TBC1D15: variants seen among roughly 807,000 people sequenced by gnomAD.
TBC1D15 encodes the protein GAP for RAB7.
A neutral mutation model predicts 95.4 loss-of-function variants in TBC1D15; 39 were observed. The observed-to-expected ratio is 0.41, with a 90% CI of 0.32 to 0.53. The LOEUF (loss-of-function observed/expected upper bound fraction) is 0.53, where lower values mean the gene tolerates loss of function less well. Among genes scored for constraint, TBC1D15 ranks in the 20% least tolerant of loss-of-function variants. The pLI is 0.29. For synonymous variants in TBC1D15, 258 were observed against 261.3 expected, an observed-to-expected ratio of 0.99 and a Z score of 0.12; for missense variants, 733 against 794.3, an observed-to-expected ratio of 0.92 and a Z score of 0.93.
intron 1 of TBC1D15, among the ~76,000 whole-genome samples, chr12:71,871,806 CTTTG>C (rs1892759216): frequency 6.6e-6 from 1 of 152,196 alleles, no homozygotes; most frequent in South Asian, 2.1e-4. Context: ...AGTCTGACAT[CTTTG>C]TTTAAGTAGA....
chr12:71,886,191 T>G (rs933976453), intron 5 of TBC1D15, among the ~76,000 whole-genome samples: 1 of 151,948 alleles, frequency 6.6e-6, no homozygotes, highest in African/African-American at 2.4e-5. Context: ...ATTGCTAACC[T>G]TCCTTCCTTC....
intron 12 of TBC1D15, 116 bp downstream of exon 12, chr12:71,914,042 C>G: frequency 1.4e-6 from 1 of 695,552 alleles, no homozygotes; most frequent in Non-Finnish European, 2.3e-6. Flanking sequence ...AAAAAATTAC[C>G]TCATGCCTTT....
chr12:71,859,961 A>G (rs185879222), intron 1 of TBC1D15, among the ~76,000 whole-genome samples: 50 of 152,196 alleles, frequency 3.3e-4, no homozygotes, highest in Non-Finnish European at 5.3e-4. Context: ...GTAGTGTTCT[A>G]GTTTCATTTT....
At chr12:71,921,294 A>G in intron 15 of TBC1D15, 74 bp from the exon 16 acceptor site, 2 of 737,124 alleles carry the variant, frequency 2.7e-6, no homozygotes, top group Non-Finnish European at 2.0e-6. Context: ...ATAACTGGTA[A>G]TAAATTGTTT....
intron 10 of TBC1D15, among the ~76,000 whole-genome samples, chr12:71,900,323 G>C (rs1899079826): frequency 6.6e-6 from 1 of 152,098 alleles, no homozygotes; most frequent in Non-Finnish European, 1.5e-5. Flanking sequence ...AGTTAAGAAG[G>C]CTCAGGAATC....
intron 1 of TBC1D15, among the ~76,000 whole-genome samples, chr12:71,846,183 A>T (rs904884389): frequency 6.6e-6 from 1 of 152,236 alleles, no homozygotes; most frequent in Admixed American, 6.5e-5. Flanking sequence ...TATATCTGAC[A>T]TAGCTCCTTT....
chr12:71,912,168 A>G (rs186271414), intron 11 of TBC1D15, among the ~76,000 whole-genome samples: 3 of 152,262 alleles, frequency 2.0e-5, no homozygotes, highest in East Asian at 1.9e-4. Flanking sequence ...GAAAGTTCTG[A>G]TGATAACAAT....
At chr12:71,900,119 CT>C (rs1305044313) in intron 10 of TBC1D15, among the ~76,000 whole-genome samples, 1 of 151,960 alleles carries the variant, frequency 6.6e-6, no homozygotes, top group African/African-American at 2.4e-5. Flanking sequence ...AGTGATACCC[CT>C]TATGGAGATG....
chr12:71,911,800 AT>A (rs778775442), intron 11 of TBC1D15, among the ~76,000 whole-genome samples: 27 of 151,790 alleles, frequency 1.8e-4, no homozygotes, highest in Non-Finnish European at 3.4e-4. Flanking sequence ...AATAAAAAAA[AT>A]AAAATAGATT....
chr12:71,872,577 C>A (rs1892920751), intron 2 of TBC1D15, among the ~76,000 whole-genome samples: 1 of 152,116 alleles, frequency 6.6e-6, no homozygotes, highest in African/African-American at 2.4e-5. Context: ...AACAGTGTTT[C>A]TGTGGTTACC....
chr12:71,908,176 G>A (rs1299818186), intron 11 of TBC1D15, among the ~76,000 whole-genome samples: 1 of 151,636 alleles, frequency 6.6e-6, no homozygotes, highest in Non-Finnish European at 1.5e-5. Context: ...CTGTCTCAAG[G>A]AAAAAAAAGA....
chr12:71,885,914 A>T (rs1303196946), intron 5 of TBC1D15, among the ~76,000 whole-genome samples: 1 of 152,212 alleles, frequency 6.6e-6, no homozygotes, highest in Non-Finnish European at 1.5e-5. Flanking sequence ...TCAGTATTAC[A>T]GGTCTGCAAA....
At chr12:71,899,259 A>G (rs536233608) in intron 10 of TBC1D15, among the ~76,000 whole-genome samples, 1 of 152,194 alleles carries the variant, frequency 6.6e-6, no homozygotes, top group Middle Eastern at 3.2e-3. Flanking sequence ...TTAGATATTT[A>G]AAGTCCCCAT....
At chr12:71,866,816 T>A (rs960958636) in intron 1 of TBC1D15, among the ~76,000 whole-genome samples, 1 of 152,122 alleles carries the variant, frequency 6.6e-6, no homozygotes, top group African/African-American at 2.4e-5. Context: ...TTGTTGCGGG[T>A]TGGGGAGAGA....
At chr12:71,846,845 C>G (rs1886410874) in intron 1 of TBC1D15, among the ~76,000 whole-genome samples, 2 of 148,550 alleles carry the variant, frequency 1.3e-5, no homozygotes, top group South Asian at 4.3e-4. Flanking sequence ...ACTGCAGCCT[C>G]CGCCTCCTGG....
At chr12:71,850,784 C>T (rs753160741) in intron 1 of TBC1D15, among the ~76,000 whole-genome samples, 6 of 151,860 alleles carry the variant, frequency 4.0e-5, no homozygotes, top group African/African-American at 9.7e-5. Flanking sequence ...GTCAGGAGAT[C>T]GAGACCATCT....
intron 10 of TBC1D15, among the ~76,000 whole-genome samples, chr12:71,900,716 A>G (rs1899188263): frequency 6.6e-6 from 1 of 152,156 alleles, no homozygotes; most frequent in South Asian, 2.1e-4. Context: ...TAAACAAGTT[A>G]AGTAAGTAAC....
At chr12:71,879,783 T>G (rs1444508516) in intron 3 of TBC1D15, among the ~76,000 whole-genome samples, 10 of 151,572 alleles carry the variant, frequency 6.6e-5, no homozygotes, top group African/African-American at 2.4e-4. Context: ...TATTTCTAAA[T>G]AAATTAATAG....
intron 1 of TBC1D15, among the ~76,000 whole-genome samples, chr12:71,847,112 A>G (rs569094523): frequency 6.6e-6 from 1 of 152,122 alleles, no homozygotes; most frequent in Admixed American, 6.5e-5. Context: ...TATTTAGAGT[A>G]TACAACTTTG....
Sources: gnomAD v4.1 joint callset for allele counts (sites outside exome capture counted in the v4.1 genomes callset) on GRCh38, gnomAD v4.1.1 for gene constraint, MANE v1.5 for transcripts, NCBI Gene and HGNC (gene_info 2026-07-23, HGNC 2026-07-21) for gene names.